The following CDK14 variants were observed in gnomAD, a reference collection of about 807,000 sequenced individuals.
CDK14 encodes the protein cyclin dependent kinase 14, also known as cyclin-dependent kinase 14.
Under a neutral mutation model 60.7 loss-of-function variants are expected in CDK14, and 34 were observed. That is an observed-to-expected ratio of 0.56 (90% CI 0.43 to 0.75). CDK14 has a LOEUF of 0.75. Among genes scored for constraint, CDK14 ranks in the 30% least tolerant of loss-of-function variants. The pLI is 0.00. For synonymous variants in CDK14, 197 were observed against 203.7 expected (o/e 0.97, Z 0.28); for missense variants, 482 against 564.1 (o/e 0.85, Z 1.47).
At chr7:90,979,485 C>T (rs1038680863) in intron 9 of CDK14, 14 of 152,160 alleles carry the variant, frequency 9.2e-5, no homozygotes, top group African/African-American at 3.4e-4. Context: ...GTAAGCATGT[C>T]CTCTCATGCT....
chr7:90,699,500 C>A (rs952021621), intron 2 of CDK14, among the ~76,000 whole-genome samples: 1 of 152,198 alleles, frequency 6.6e-6, no homozygotes, highest in Non-Finnish European at 1.5e-5. Context: ...GGATCAGGAA[C>A]ACAGATTTGT....
intron 6 of CDK14, among the ~76,000 whole-genome samples, chr7:90,878,913 T>C (rs1461392698): frequency 6.6e-6 from 1 of 152,238 alleles, no homozygotes; most frequent in African/African-American, 2.4e-5. Context: ...GTATTTAATG[T>C]TCAGTAAGTA....
intron 3 of CDK14, among the ~76,000 whole-genome samples, chr7:90,738,507 G>A (rs1225662687): frequency 6.6e-6 from 1 of 152,106 alleles, no homozygotes; most frequent in African/African-American, 2.4e-5. Flanking sequence ...GTTCCCCTCC[G>A]CTGGCCCAGA....
intron 10 of CDK14, among the ~76,000 whole-genome samples, chr7:90,998,683 T>C (rs1795753267): frequency 6.6e-6 from 1 of 152,116 alleles, no homozygotes; most frequent in South Asian, 2.1e-4. Flanking sequence ...AGTCAGGAGA[T>C]CAAGATCGTC....
At chr7:90,798,338 T>C (rs184982176) in intron 5 of CDK14, among the ~76,000 whole-genome samples, 81 of 152,300 alleles carry the variant, frequency 5.3e-4, no homozygotes, top group African/African-American at 1.8e-3. Flanking sequence ...AAAGGCATCA[T>C]CATTGCTTAG....
At chr7:90,641,822 A>G (rs13240821) in intron 2 of CDK14, among the ~76,000 whole-genome samples, 47,096 of 152,064 alleles carry the variant, frequency 0.31, 8,214 homozygotes, top group East Asian at 0.67. Context: ...AGACTGGGCA[A>G]TTTACAAAAG....
rs565619708 is a variant in CDK14 at position 90,749,538 on chromosome 7, C to A, written c.464+1763C>A. Among the ~76,000 whole-genome samples, 3 of 152,308 alleles carry A rather than the reference C, an allele frequency of 2.0e-5. No homozygotes were observed. In the South Asian group the frequency reaches 6.2e-4, roughly 32 times the overall value. On this transcript the variant is annotated intron_variant, in intron 4 of 14. Transcript: ENST00000380050. ...TGCAGCTAGGCCTCTGCTCCACACC[C>A]AGGCAGATCTCCAGGCATTTGGAGC...
At chr7:91,181,492 A>T (rs1801999951) in intron 14 of CDK14, among the ~76,000 whole-genome samples, 1 of 152,154 alleles carries the variant, frequency 6.6e-6, no homozygotes, top group African/African-American at 2.4e-5. Context: ...AGATCCACTA[A>T]TCCACTGAGG....
At chr7:90,749,219 G>C (rs1562751647) in intron 4 of CDK14, among the ~76,000 whole-genome samples, 2 of 151,970 alleles carry the variant, frequency 1.3e-5, no homozygotes, top group Non-Finnish European at 2.9e-5. Flanking sequence ...CAGGCCTTTG[G>C]AGCACCCGCT....
At chr7:90,962,369 C>T (rs954810538) in intron 9 of CDK14, among the ~76,000 whole-genome samples, 4 of 152,036 alleles carry the variant, frequency 2.6e-5, no homozygotes, top group Non-Finnish European at 4.4e-5. Context: ...GCATGTAACC[C>T]CAGCTACTTG....
chr7:90,959,528 T>G (rs764195678), intron 9 of CDK14, among the ~76,000 whole-genome samples: 2 of 152,086 alleles, frequency 1.3e-5, no homozygotes, highest in Non-Finnish European at 2.9e-5. Flanking sequence ...GTGCAAATAT[T>G]AACCCATGGA....
intron 7 of CDK14, among the ~76,000 whole-genome samples, chr7:90,914,986 G>T (rs1054794586): frequency 6.6e-5 from 10 of 152,172 alleles, no homozygotes; most frequent in Non-Finnish European, 4.4e-5. Flanking sequence ...ATATGCAGAG[G>T]CTGCCCTGGG....
chr7:90,638,826 GTTTC>G (rs1800234580), intron 2 of CDK14, among the ~76,000 whole-genome samples: 2 of 151,422 alleles, frequency 1.3e-5, no homozygotes, highest in African/African-American at 4.9e-5. Context: ...GGCTTTGTTC[GTTTC>G]TTTTTATTCT....
At chr7:90,730,583 G>T (rs1584830753) in intron 3 of CDK14, among the ~76,000 whole-genome samples, 1 of 152,158 alleles carries the variant, frequency 6.6e-6, no homozygotes, top group African/African-American at 2.4e-5. Context: ...TTGTGGTTTT[G>T]ATTTGCATTT....
chr7:91,116,805 T>C (rs1451286272), intron 13 of CDK14, among the ~76,000 whole-genome samples: 1 of 151,950 alleles, frequency 6.6e-6, no homozygotes, highest in Non-Finnish European at 1.5e-5. Context: ...GACAGTATTC[T>C]CTCATTGCTT....
At chr7:90,947,174 T>G (rs1794126173) in intron 8 of CDK14, among the ~76,000 whole-genome samples, 1 of 152,222 alleles carries the variant, frequency 6.6e-6, no homozygotes, top group African/African-American at 2.4e-5. Flanking sequence ...GGAACCTTTT[T>G]CCAGAACAAC....
chr7:90,654,587 C>T (rs1800713414), intron 2 of CDK14, among the ~76,000 whole-genome samples: 1 of 152,096 alleles, frequency 6.6e-6, no homozygotes, highest in Admixed American at 6.6e-5. Flanking sequence ...AGATAGAATT[C>T]CTGATGGATG....
intron 10 of CDK14, among the ~76,000 whole-genome samples, chr7:91,007,799 A>C (rs533007204): frequency 7.0e-4 from 106 of 151,700 alleles, no homozygotes; most frequent in Non-Finnish European, 1.2e-3. Flanking sequence ...GAAAAAAAAA[A>C]CAAAAATCCT....
rs189780040 is a variant in CDK14 at position 90,965,877 on chromosome 7, T to G, written c.947+10060T>G. 3.0e-4 allele frequency among the ~76,000 whole-genome samples: 45 copies of G among 152,292 alleles called. No individual in the cohort carries two copies. In the East Asian group the frequency reaches 7.7e-3, roughly 26 times the overall value. On this transcript the variant is annotated intron_variant, in intron 9 of 14. Coordinates refer to ENST00000380050, the MANE Select transcript of CDK14 (RefSeq NM_001287135.2). Reference sequence around the variant, plus strand: ...CTTCTGGTATTGCTGCTGAGAAGTGTGATTCCATTCTCCACTTCTCGATCA... The same window carrying G: ...CTTCTGGTATTGCTGCTGAGAAGTGGGATTCCATTCTCCACTTCTCGATCA...
Sources: gnomAD v4.1 joint callset for allele counts (sites outside exome capture counted in the v4.1 genomes callset) on GRCh38, gnomAD v4.1.1 for gene constraint, MANE v1.5 for transcripts, NCBI Gene and HGNC (gene_info 2026-07-23, HGNC 2026-07-21) for gene names.